The following SEMA3A variants were observed in gnomAD, a reference collection of about 807,000 sequenced individuals.
SEMA3A encodes semaphorin 3A, also known as semaphorin-3A.
In SEMA3A, 29 loss-of-function variants were observed where a neutral mutation model predicts 97.9. That is an observed-to-expected ratio of 0.30 (90% CI 0.22 to 0.40). SEMA3A has a LOEUF of 0.40. SEMA3A is among the 10% of genes least tolerant of loss of function. SEMA3A has a pLI of 1.00. For synonymous variants in SEMA3A, 321 were observed against 323.7 expected (o/e 0.99, Z 0.09); for missense variants, 763 against 951.3 (o/e 0.80, Z 2.60).
intron 1 of SEMA3A, among the ~76,000 whole-genome samples, chr7:84,148,477 T>C (rs772451006): frequency 3.2e-4 from 48 of 152,198 alleles, no homozygotes; most frequent in Non-Finnish European, 5.9e-4. Context: ...TACATTGTAA[T>C]CTTAGTCACA....
chr7:84,212,617 C>G (rs1456678999), intron 3 of SEMA3A, among the ~76,000 whole-genome samples: 1 of 152,142 alleles, frequency 6.6e-6, no homozygotes, highest in Non-Finnish European at 1.5e-5. Flanking sequence ...GAATTTAGTG[C>G]TAGAAAGTGT....
intron 3 of SEMA3A, among the ~76,000 whole-genome samples, chr7:84,244,224 T>C (rs1799429995): frequency 6.6e-6 from 1 of 152,204 alleles, no homozygotes; most frequent in Non-Finnish European, 1.5e-5. Context: ...TGTAGGAGTC[T>C]AAGTCTCTTT....
chr7:84,276,160 A>G (rs532468374), intron 3 of SEMA3A, among the ~76,000 whole-genome samples: 3 of 152,182 alleles, frequency 2.0e-5, no homozygotes, highest in Non-Finnish European at 4.4e-5. Context: ...TTATTCAATA[A>G]ATATTTATTG....
At chr7:84,193,759 A>T (rs1396915865) in intron 1 of SEMA3A, among the ~76,000 whole-genome samples, 2 of 152,120 alleles carry the variant, frequency 1.3e-5, no homozygotes, top group African/African-American at 4.8e-5. Flanking sequence ...TTCTCTCTTT[A>T]ATTTATACTT....
chr7:84,359,309 T>C (rs1802651778), intron 2 of SEMA3A, among the ~76,000 whole-genome samples: 1 of 151,946 alleles, frequency 6.6e-6, no homozygotes, highest in Non-Finnish European at 1.5e-5. Context: ...TTGAGATCTG[T>C]CCCATCAATA....
chr7:84,152,192 G>A (rs1377403989), intron 1 of SEMA3A, among the ~76,000 whole-genome samples: 1 of 151,554 alleles, frequency 6.6e-6, no homozygotes, highest in Non-Finnish European at 1.5e-5. Context: ...CCATTACTGG[G>A]TATATACCCA....
chr7:84,253,794 G>A (rs1799659273), intron 3 of SEMA3A, among the ~76,000 whole-genome samples: 1 of 151,984 alleles, frequency 6.6e-6, no homozygotes, highest in African/African-American at 2.4e-5. Flanking sequence ...AGAATCTCTG[G>A]GCAGCATTAG....
intron 2 of SEMA3A, among the ~76,000 whole-genome samples, chr7:84,358,351 A>G (rs1159579651): frequency 2.6e-5 from 4 of 152,166 alleles, no homozygotes; most frequent in African/African-American, 9.7e-5. Context: ...AGCTTTCTAC[A>G]TATGGCTAGC....
chr7:84,102,067 T>C (rs1269043492), intron 4 of SEMA3A, among the ~76,000 whole-genome samples: 1 of 152,186 alleles, frequency 6.6e-6, no homozygotes, highest in Non-Finnish European at 1.5e-5. Context: ...GCTAGCATTA[T>C]ACTGCCTTTG....
intron 2 of SEMA3A, among the ~76,000 whole-genome samples, chr7:84,346,091 G>A (rs999925730): frequency 2.6e-5 from 4 of 152,180 alleles, no homozygotes; most frequent in African/African-American, 9.7e-5. Context: ...ACACTTGTAA[G>A]TTATGGAGAT....
intron 1 of SEMA3A, among the ~76,000 whole-genome samples, chr7:84,178,254 A>G (rs930152610): frequency 5.9e-5 from 9 of 152,056 alleles, no homozygotes; most frequent in African/African-American, 2.2e-4. Flanking sequence ...CTTTTTTATA[A>G]CACTTATTGT....
intron 1 of SEMA3A, among the ~76,000 whole-genome samples, chr7:84,488,315 T>TACACAC (rs1408597815): frequency 0.021 from 2,001 of 94,204 alleles, 37 homozygotes; most frequent in Admixed American, 0.061. Context: ...TTTCTTCGTA[T>TACACAC]ATACACACAC....
chr7:84,457,746 A>G (rs1319128321), intron 1 of SEMA3A, among the ~76,000 whole-genome samples: 1 of 151,996 alleles, frequency 6.6e-6, no homozygotes, highest in African/African-American at 2.4e-5. Context: ...GTTATAAATA[A>G]GGGAAAATAC....
At chr7:84,248,359 A>G (rs1799522313) in intron 3 of SEMA3A, among the ~76,000 whole-genome samples, 1 of 152,174 alleles carries the variant, frequency 6.6e-6, no homozygotes. Flanking sequence ...ATTAAGCACA[A>G]GTACTTTCTG....
intron 2 of SEMA3A, among the ~76,000 whole-genome samples, chr7:84,316,209 T>A (rs1801497525): frequency 6.6e-6 from 1 of 151,090 alleles, no homozygotes; most frequent in African/African-American, 2.4e-5. Flanking sequence ...TTTTTCATTT[T>A]AATTTGAGAG....
At chr7:84,130,827 A>G (rs1795941002) in intron 2 of SEMA3A, among the ~76,000 whole-genome samples, 1 of 152,104 alleles carries the variant, frequency 6.6e-6, no homozygotes. Context: ...TCAGCTTTCC[A>G]GCTAAATTGT....
At chr7:84,391,972 A>AT (rs1803591807) in intron 1 of SEMA3A, among the ~76,000 whole-genome samples, 1 of 150,820 alleles carries the variant, frequency 6.6e-6, no homozygotes, top group Non-Finnish European at 1.5e-5. Flanking sequence ...AAAAAAAAAA[A>AT]TCTATTGAAA....
At chr7:84,011,343 T>C (rs1482500239) in intron 7 of SEMA3A, 46 bp from the exon 8 acceptor site, 1 of 1,203,216 alleles carries the variant, frequency 8.3e-7, no homozygotes, top group Non-Finnish European at 1.2e-6. Flanking sequence ...ATGAAAATGA[T>C]AATTTGAAAC....
chr7:84,340,841 A>G (rs1802149424), intron 2 of SEMA3A, among the ~76,000 whole-genome samples: 1 of 151,902 alleles, frequency 6.6e-6, no homozygotes, highest in Admixed American at 6.6e-5. Flanking sequence ...AAGTATACAT[A>G]TATACCTTTT....
Sources: allele counts gnomAD v4.1 joint callset (sites outside exome capture counted in the v4.1 genomes callset), GRCh38; gene constraint gnomAD v4.1.1; transcripts MANE v1.5; gene names NCBI Gene and HGNC (gene_info 2026-07-23, HGNC 2026-07-21).